The following BTBD2 variants were observed in gnomAD, a reference collection of about 807,000 sequenced individuals.
BTBD2 encodes BTB/POZ domain-containing protein 2.
Under a neutral mutation model 44.0 loss-of-function variants are expected in BTBD2, and 15 were observed. That is an observed-to-expected ratio of 0.34 (90% CI 0.23 to 0.53). BTBD2 has a LOEUF of 0.53. BTBD2 is among the 20% of genes least tolerant of loss of function. BTBD2 has a pLI of 0.95. For synonymous variants in BTBD2, 443 were observed against 335.9 expected (o/e 1.32, Z -3.49); for missense variants, 657 against 746.4 (o/e 0.88, Z 1.39).
At chr19:2,004,412 T>C (rs1751355000) in intron 1 of BTBD2, among the ~76,000 whole-genome samples, 1 of 151,536 alleles carries the variant, frequency 6.6e-6, no homozygotes, top group Admixed American at 6.6e-5. Flanking sequence ...ATTCTCCTGC[T>C]TCAGCCTCCC....
intron 1 of BTBD2, among the ~76,000 whole-genome samples, chr19:1,998,441 G>C (rs971301663): frequency 5.3e-5 from 8 of 152,258 alleles, no homozygotes; most frequent in African/African-American, 1.9e-4. Context: ...AGGAGCGTTA[G>C]GAGGCAGCAG....
chr19:1,987,350 C>A, intron 6 of BTBD2, 97 bp from the exon 7 acceptor site: 1 of 1,443,892 alleles, frequency 6.9e-7, no homozygotes, highest in Non-Finnish European at 9.3e-7. Context: ...CCTCCATCGT[C>A]CCTGAGTCCT....
intron 1 of BTBD2, among the ~76,000 whole-genome samples, chr19:2,010,692 T>C (rs540957921): frequency 2.0e-5 from 3 of 149,620 alleles, no homozygotes; most frequent in Non-Finnish European, 4.4e-5. Flanking sequence ...CAGGCTGGAG[T>C]GCAGTGGCGC....
At chr19:1,994,467 C>T (rs986170047) in intron 2 of BTBD2, among the ~76,000 whole-genome samples, 32 of 151,346 alleles carry the variant, frequency 2.1e-4, no homozygotes, top group Non-Finnish European at 4.1e-4. Context: ...TCTCTAAACA[C>T]ATTTTTTTTT....
intron 1 of BTBD2, among the ~76,000 whole-genome samples, chr19:1,998,569 C>A (rs1337811715): frequency 1.3e-5 from 2 of 152,186 alleles, no homozygotes. Flanking sequence ...TCGCCACAGG[C>A]AGGAGGGTGC....
intron 1 of BTBD2, among the ~76,000 whole-genome samples, chr19:1,998,093 TCACACA>T (rs34588963): frequency 3.3e-5 from 5 of 151,528 alleles, no homozygotes; most frequent in Admixed American, 6.6e-5. Flanking sequence ...ACTCACCCAT[TCACACA>T]CACACACATT....
At chr19:2,007,231 T>C (rs574885497) in intron 1 of BTBD2, among the ~76,000 whole-genome samples, 1 of 152,308 alleles carries the variant, frequency 6.6e-6, no homozygotes, top group East Asian at 1.9e-4. Flanking sequence ...CCTGAGGTGA[T>C]ACTCCTGCCT....
chr19:2,003,952 G>C (rs2016362361), intron 1 of BTBD2, among the ~76,000 whole-genome samples: 1 of 151,530 alleles, frequency 6.6e-6, no homozygotes, highest in South Asian at 2.1e-4. Flanking sequence ...CTCCCAATCT[G>C]TCCACAAGGA....
Position 2,015,684 on chromosome 19 carries a change from C to T in BTBD2, c.20G>A (p.Gly7Asp), listed in dbSNP as rs929397254. Residue 7 changes from glycine (G) to aspartate (D), a missense_variant, in exon 1 of 9, where the codon GGC (glycine) becomes GAC (aspartate). Gly to Asp is a moderately conservative substitution (Grantham distance 94). Around this residue, in one of 3 missense-constraint regions of BTBD2, gnomAD observed 191 missense variants for 188.5 expected, o/e 1.01. Transcript: ENST00000255608. ...CCCCGGCGGGCACGACGCACGCCCG[C>T]CGCTCCCACCCGCCGCCATTTTGTG... Reference protein sequence around the residue: MAAGGSGGRASCPPGVG... With the variant: MAAGGSDGRASCPPGVG... 4.3e-5 allele frequency: 42 copies of T among 984,960 alleles called. No individual in the cohort carries two copies. The highest frequency in any genetic ancestry group is 7.2e-6 in the Non-Finnish European group (6 of 834,230). 61.0% of individuals were successfully genotyped at this position (984,960 alleles called of 1,614,324 possible).
chr19:2,015,229 T>C (rs896561675), intron 1 of BTBD2, 68 bp downstream of exon 1: 52 of 1,446,322 alleles, frequency 3.6e-5, no homozygotes, highest in Non-Finnish European at 4.4e-5. Flanking sequence ...GTGCAGGGCC[T>C]CAGGTGCAGG....
Position 1,987,639 on chromosome 19 carries a change from G to A in BTBD2, c.1042C>T (p.His348Tyr). ...VDREVVSLFL[H>Y]FTVNPKPRVE... ...CGTGGCTTGGGGTTGACGGTGAAGT[G>A]CAGGAAGAGGCTGACCACCTCGCGG... The change falls in exon 6 of 9, where the codon CAC (histidine) becomes TAC (tyrosine). Residue 348 changes from histidine (H) to tyrosine (Y), a missense_variant. Around this residue, in one of 3 missense-constraint regions of BTBD2, gnomAD observed 449 missense variants for 510.9 expected, o/e 0.88. Coordinates refer to ENST00000255608, the MANE Select transcript of BTBD2 (RefSeq NM_017797.4). 1 of 1,612,178 alleles carries A rather than the reference G, an allele frequency of 6.2e-7. No individual in the cohort carries two copies. Among genetic ancestry groups the A allele is most frequent in the Non-Finnish European group, 8.5e-7 (1 of 1,179,520 alleles).
At chr19:1,997,941 C>CA (rs1371972611) in intron 1 of BTBD2, among the ~76,000 whole-genome samples, 1 of 152,202 alleles carries the variant, frequency 6.6e-6, no homozygotes, top group Non-Finnish European at 1.5e-5. Context: ...CATGTACATT[C>CA]ACTCAACTCA....
In BTBD2 at chr19:1,987,610, C is replaced by G. The variant is rs533336410; in HGVS notation, c.1071G>C (p.Val357=). ...LHFTVNPKPR[V]EFIDRPRCCL... Reference sequence around the variant, plus strand: ...AGCAGCGGGGCCGGTCAATGAACTCCACTCGTGGCTTGGGGTTGACGGTGA... The same window carrying G: ...AGCAGCGGGGCCGGTCAATGAACTCGACTCGTGGCTTGGGGTTGACGGTGA... The change falls in exon 6 of 9, where the codon GTG becomes GTC. Residue 357 remains valine, a synonymous_variant. Transcript: ENST00000255608. The G allele has an allele frequency of 4.7e-5, 75 of 1,612,834 alleles. No homozygotes were observed. In the South Asian group the frequency reaches 7.8e-4, roughly 17 times the overall value.
Position 1,987,598 on chromosome 19 carries a change from G to C in BTBD2, c.1083C>G (p.Asp361Glu). ...VNPKPRVEFI[D>E]RPRCCLRGKE... ...TCCCACGCAGGCAGCAGCGGGGCCGGTCAATGAACTCCACTCGTGGCTTGG... is the reference window on the plus strand; with the variant it reads ...TCCCACGCAGGCAGCAGCGGGGCCGCTCAATGAACTCCACTCGTGGCTTGG... The change falls in exon 6 of 9, where the codon GAC becomes GAG. Residue 361 changes from aspartate to glutamate, a missense_variant. This residue lies in a region of BTBD2 where 449 missense variants were observed against 510.9 expected (regional missense o/e 0.88). Coordinates refer to ENST00000255608, the MANE Select transcript of BTBD2 (RefSeq NM_017797.4). 6.2e-7 allele frequency: 1 copy of C among 1,612,830 alleles called. No individual in the cohort carries two copies. Among genetic ancestry groups the C allele is most frequent in the South Asian group, 1.1e-5 (1 of 91,002 alleles).
intron 3 of BTBD2, 151 bp downstream of exon 3, chr19:1,992,869 G>T (rs1314958267): frequency 2.1e-5 from 17 of 794,972 alleles, no homozygotes; most frequent in Non-Finnish European, 2.9e-5. Context: ...ACCACGCCCG[G>T]CCCAAAACAC....
chr19:1,997,546 C>A, intron 1 of BTBD2, 83 bp from the exon 2 acceptor site: 2 of 1,579,012 alleles, frequency 1.3e-6, no homozygotes, highest in Middle Eastern at 1.8e-4. Context: ...TCCTGGGTGA[C>A]CACCCCACTA....
chr19:1,987,699 C>T lies in BTBD2; in HGVS notation c.989-7G>A, dbSNP rs1227710973. On this transcript the variant is annotated splice_region_variant and splice_polypyrimidine_tract_variant and intron_variant, in intron 5 of 8. Transcript: ENST00000255608. ...ATGCCCGACTGTGCGGGACCTGCAG[C>T]ACAGGGAGGGTGTGGGGGAGGGCCG... 1 of 1,583,916 alleles carries T rather than the reference C, an allele frequency of 6.3e-7. No individual in the cohort carries two copies. The highest frequency in any genetic ancestry group is 1.1e-5 in the South Asian group (1 of 87,086).
intron 1 of BTBD2, among the ~76,000 whole-genome samples, chr19:2,006,397 C>T (rs952672009): frequency 1.4e-4 from 21 of 151,956 alleles, no homozygotes; most frequent in South Asian, 6.2e-4. Flanking sequence ...ATGCCAGCTA[C>T]TCGGGAGGCT....
chr19:1,999,836 C>CCT (rs929272703), intron 1 of BTBD2, among the ~76,000 whole-genome samples: 12 of 149,876 alleles, frequency 8.0e-5, no homozygotes, highest in African/African-American at 2.7e-4. Flanking sequence ...GTGGTGGGTG[C>CCT]CTGTAATCCC....
Sources: allele counts gnomAD v4.1 joint callset (sites outside exome capture counted in the v4.1 genomes callset), GRCh38; gene constraint gnomAD v4.1.1; regional missense constraint gnomAD v4.1.1; transcripts MANE v1.5; gene names NCBI Gene and HGNC (gene_info 2026-07-23, HGNC 2026-07-21).